Variants in TPTE observed in about 807,000 individuals in gnomAD.
TPTE encodes putative tyrosine-protein phosphatase TPTE.
In TPTE, 59 loss-of-function variants were observed where a neutral mutation model predicts 84.1. The observed-to-expected ratio is 0.70, with a 90% CI of 0.57 to 0.87. The LOEUF (loss-of-function observed/expected upper bound fraction) is 0.87. TPTE is among the 40% of genes least tolerant of loss of function. The probability of loss-of-function intolerance (pLI) is 0.00; values close to 1 mark genes in which losing one functional copy is unlikely to be tolerated. For synonymous variants in TPTE, 130 were observed against 223.5 expected (o/e 0.58, Z 3.73); for missense variants, 382 against 659.6 (o/e 0.58, Z 4.61).
intron 9 of TPTE, among the ~76,000 whole-genome samples, chr21:10,559,872 T>TAAAAAAAAAAAAAAAAAA (rs61583687): frequency 8.5e-6 from 1 of 117,118 alleles, no homozygotes; most frequent in African/African-American, 3.0e-5. Context: ...AGACTCCATG[T>TAAAAAAAAAAAAAAAAAA]AAAAAAAAAA....
intron 4 of TPTE, among the ~76,000 whole-genome samples, chr21:10,540,284 G>A (rs2074345162): frequency 6.6e-6 from 1 of 152,308 alleles, no homozygotes; most frequent in African/African-American, 2.4e-5. Context: ...AGACTGAGTA[G>A]GGCTATTGAG....
rs566716203 is a variant in TPTE at position 10,602,047 on chromosome 21, T to C, written c.1357-11T>C. On this transcript the variant is annotated splice_polypyrimidine_tract_variant and intron_variant, in intron 21 of 23. Coordinates refer to ENST00000618007, the MANE Select transcript of TPTE (RefSeq NM_199261.4). ...GGTTTATAGTTCTCAATTCCATGTG[T>C]TCATTCATAGGTACTTGATAACATT... 2 of 1,609,370 alleles carry C rather than the reference T, an allele frequency of 1.2e-6. No homozygotes were observed. Among genetic ancestry groups the C allele is most frequent in the African/African-American group, 2.7e-5 (2 of 75,004 alleles).
At chr21:10,530,082 G>C in intron 3 of TPTE, among the ~76,000 whole-genome samples, 1 of 152,296 alleles carries the variant, frequency 6.6e-6, no homozygotes, top group East Asian at 1.9e-4. Context: ...ATCTTTAAAT[G>C]GTCTCATATT....
chr21:10,522,171 C>T (rs1428103147), intron 1 of TPTE, among the ~76,000 whole-genome samples: 27 of 152,286 alleles, frequency 1.8e-4, no homozygotes, highest in Non-Finnish European at 7.3e-5. Flanking sequence ...CCTGAGTTCC[C>T]CGTGTCTGCT....
intron 17 of TPTE, among the ~76,000 whole-genome samples, chr21:10,583,918 T>C (rs1309756833): frequency 1.3e-5 from 2 of 152,312 alleles, no homozygotes; most frequent in Non-Finnish European, 2.9e-5. Flanking sequence ...AGCTTTCTAA[T>C]ATGTCCTCAT....
intron 19 of TPTE, 135 bp from the exon 20 acceptor site, chr21:10,595,847 G>T (rs1190241137): frequency 2.5e-6 from 3 of 1,198,622 alleles, no homozygotes; most frequent in Non-Finnish European, 3.5e-6. Context: ...AAAATATCTA[G>T]TTATATTATG....
intron 18 of TPTE, among the ~76,000 whole-genome samples, chr21:10,591,164 G>C (rs1461929377): frequency 6.6e-6 from 1 of 152,424 alleles, no homozygotes; most frequent in Non-Finnish European, 1.5e-5. Flanking sequence ...AATACATGTG[G>C]AGTCTGTGAC....
chr21:10,605,445 A>G lies in TPTE; in HGVS notation c.1549A>G (p.Asn517Asp). Residue 517 changes from asparagine to aspartate, a missense_variant, in exon 24 of 24, where the codon AAT becomes GAT. Transcript: ENST00000618007. ...RLYLPKNELDNLHKQKARRIY... is the reference protein window; with the variant it reads ...RLYLPKNELDDLHKQKARRIY... ...TTATCTACCAAAAAATGAATTGGATAATCTACATAAACAAAAAGCACGGAG... is the reference window on the plus strand; with the variant it reads ...TTATCTACCAAAAAATGAATTGGATGATCTACATAAACAAAAAGCACGGAG... 2 of 1,614,194 alleles carry G rather than the reference A, an allele frequency of 1.2e-6. No homozygotes were observed. Among genetic ancestry groups the G allele is most frequent in the Non-Finnish European group, 1.7e-6 (2 of 1,179,994 alleles).
In TPTE at chr21:10,567,611, A is replaced by G; in HGVS notation, c.447-59A>G. The stretch of plus-strand genomic sequence containing the variant: ...TGAGTCAATAGTTTGTGGTCTTTAA[A>G]TATTCCTATCTCTTCTTGCAGGGGG... On this transcript the variant is annotated intron_variant, in intron 10 of 23. Transcript: ENST00000618007. 2.5e-6 allele frequency: 4 copies of G among 1,595,264 alleles called. No homozygotes were observed. The South Asian group carries it at 3.5e-5, about 14-fold the overall frequency.
At chr21:10,544,124 G>A (rs982823255) in intron 7 of TPTE, among the ~76,000 whole-genome samples, 1 of 152,304 alleles carries the variant, frequency 6.6e-6, no homozygotes, top group African/African-American at 2.4e-5. Flanking sequence ...AAAGGTGTAA[G>A]TAATATGGAA....
At chr21:10,596,715 T>C (rs1385253419) in intron 20 of TPTE, among the ~76,000 whole-genome samples, 1 of 152,260 alleles carries the variant, frequency 6.6e-6, no homozygotes, top group Non-Finnish European at 1.5e-5. Flanking sequence ...AAAGCAAACC[T>C]CTTCTAGCAG....
chr21:10,527,727 C>A (rs469980), intron 3 of TPTE, among the ~76,000 whole-genome samples: 29,674 of 140,748 alleles, frequency 0.21, 64 homozygotes, highest in African/African-American at 0.47. Flanking sequence ...CCCTCAGCAG[C>A]AAGAAAGGAG....
chr21:10,603,430 G>A, intron 22 of TPTE, 132 bp from the exon 23 acceptor site: 1 of 911,880 alleles, frequency 1.1e-6, no homozygotes, highest in African/African-American at 1.7e-5. Flanking sequence ...GTTATAGATT[G>A]CAGAGTGCCA....
chr21:10,575,238 T>A (rs900798711), intron 14 of TPTE, among the ~76,000 whole-genome samples: 1 of 152,312 alleles, frequency 6.6e-6, no homozygotes, highest in African/African-American at 2.4e-5. Flanking sequence ...ACAGCTGGCT[T>A]GCCAGATCAT....
At chr21:10,582,790 G>A (rs1300034415) in intron 17 of TPTE, among the ~76,000 whole-genome samples, 2 of 152,312 alleles carry the variant, frequency 1.3e-5, no homozygotes, top group African/African-American at 2.4e-5. Context: ...CTGGAGTGCA[G>A]TGACATGATC....
intron 14 of TPTE, among the ~76,000 whole-genome samples, chr21:10,572,450 CAAAAAAAAAA>C (rs58796102): frequency 5.3e-5 from 7 of 131,988 alleles, no homozygotes; most frequent in South Asian, 2.3e-4. Flanking sequence ...AGACTGTATC[CAAAAAAAAAA>C]AAAAAAAAAA....
In TPTE at chr21:10,542,442, A is replaced by G. The variant is rs1362043376; in HGVS notation, c.113A>G (p.Lys38Arg). The change falls in exon 6 of 24, where the codon AAA becomes AGA. Residue 38 changes from lysine (K) to arginine (R), a missense_variant. Physicochemically the swap from Lys to Arg is conservative, Grantham distance 26. Around this residue, in one of 10 missense-constraint regions of TPTE, gnomAD observed 63 missense variants for 49.5 expected, o/e 1.27. Coordinates refer to ENST00000618007, the MANE Select transcript of TPTE (RefSeq NM_199261.4). ...GGAGCAACCGAGGAGGCACCTGCGA[A>G]AGAAAGGTGAGCAATAAATAGTTAA... ...FKGATEEAPAKESPHTSEFKG... is the reference protein window; with the variant it reads ...FKGATEEAPARESPHTSEFKG... The G allele has an allele frequency of 6.2e-7, 1 of 1,611,292 alleles. No individual in the cohort carries two copies. The highest frequency in any genetic ancestry group is 1.7e-4 in the Middle Eastern group (1 of 6,026).
intron 1 of TPTE, among the ~76,000 whole-genome samples, chr21:10,523,420 T>A (rs1156442985): frequency 6.6e-6 from 1 of 152,252 alleles, no homozygotes; most frequent in Non-Finnish European, 1.5e-5. Flanking sequence ...ATCTAGCATT[T>A]GGTATATCTC....
chr21:10,584,241 T>C (rs1297275032), intron 17 of TPTE, among the ~76,000 whole-genome samples: 39 of 152,350 alleles, frequency 2.6e-4, no homozygotes, highest in African/African-American at 9.4e-4. Context: ...TTAAATGATA[T>C]CCCTTTAAAA....
Sources: allele counts gnomAD v4.1 joint callset (sites outside exome capture counted in the v4.1 genomes callset), GRCh38; gene constraint gnomAD v4.1.1; regional missense constraint gnomAD v4.1.1; transcripts MANE v1.5; gene names NCBI Gene and HGNC (gene_info 2026-07-23, HGNC 2026-07-21).